Variants in CCSER1 observed in about 807,000 individuals in gnomAD.
The protein encoded by CCSER1 is coiled-coil serine rich protein 1, also known as serine-rich coiled-coil domain-containing protein 1.
Under a neutral mutation model 82.0 loss-of-function variants are expected in CCSER1, and 41 were observed. The ratio of observed to expected loss-of-function variants is 0.50; its 90% CI spans 0.39 to 0.65. The LOEUF (loss-of-function observed/expected upper bound fraction) is 0.65. CCSER1 is among the 30% of genes least tolerant of loss of function. The pLI, the probability that CCSER1 is intolerant of heterozygous loss-of-function variation, is 0.00. For missense variants in CCSER1, 1,119 were observed against 1,064.2 expected (o/e 1.05, Z -0.72); for synonymous variants, 414 against 383.9 (o/e 1.08, Z -0.92).
At chr4:91,553,972 CTTA>C (rs1276682660) in intron 10 of CCSER1, among the ~76,000 whole-genome samples, 1 of 150,478 alleles carries the variant, frequency 6.6e-6, no homozygotes, top group Non-Finnish European at 1.5e-5. Context: ...ATGTGTATAG[CTTA>C]TTGTTTACTT....
chr4:91,042,059 C>T (rs778273427), intron 9 of CCSER1, among the ~76,000 whole-genome samples: 74 of 152,072 alleles, frequency 4.9e-4, no homozygotes, highest in Admixed American at 3.9e-4. Flanking sequence ...GATATTGTCT[C>T]GTTTTTATGG....
At chr4:90,497,190 G>C (rs550598646) in intron 5 of CCSER1, among the ~76,000 whole-genome samples, 1 of 152,002 alleles carries the variant, frequency 6.6e-6, no homozygotes, top group East Asian at 1.9e-4. Flanking sequence ...CATTTTGCAT[G>C]GTACCTTGTT....
intron 8 of CCSER1, among the ~76,000 whole-genome samples, chr4:90,910,006 C>T (rs57404289): frequency 0.016 from 2,480 of 152,100 alleles, 63 homozygotes; most frequent in African/African-American, 0.056. Context: ...TACCACAGGC[C>T]CTAACAGGAA....
chr4:91,480,381 T>C (rs1757846518), intron 10 of CCSER1, among the ~76,000 whole-genome samples: 1 of 152,214 alleles, frequency 6.6e-6, no homozygotes, highest in Non-Finnish European at 1.5e-5. Context: ...TGTTCCTATT[T>C]CTCCACATCC....
chr4:91,017,084 T>C (rs1273378705), intron 9 of CCSER1: 1 of 152,120 alleles, frequency 6.6e-6, no homozygotes, highest in Non-Finnish European at 1.5e-5. Flanking sequence ...GATAAGATAA[T>C]TGAGGGAGAG....
chr4:91,394,351 G>A (rs527306054), intron 10 of CCSER1, among the ~76,000 whole-genome samples: 14 of 152,120 alleles, frequency 9.2e-5, no homozygotes, highest in African/African-American at 1.2e-4. Flanking sequence ...ATTAGAATAA[G>A]TTCCTCAGTA....
chr4:90,172,190 G>A (rs572391742), intron 1 of CCSER1, among the ~76,000 whole-genome samples: 1 of 151,878 alleles, frequency 6.6e-6, no homozygotes, highest in Non-Finnish European at 1.5e-5. Context: ...TCCATTGTGA[G>A]TATTGTCTAT....
intron 10 of CCSER1, among the ~76,000 whole-genome samples, chr4:91,549,703 G>A: frequency 6.6e-6 from 1 of 152,108 alleles, no homozygotes; most frequent in South Asian, 2.1e-4. Flanking sequence ...CGGCCGTGCT[G>A]GTGCGCCTGT....
At chr4:90,392,198 G>A (rs1751293292) in intron 3 of CCSER1, among the ~76,000 whole-genome samples, 1 of 151,826 alleles carries the variant, frequency 6.6e-6, no homozygotes, top group Non-Finnish European at 1.5e-5. Context: ...TTCTACTTAA[G>A]TAATATATTT....
At chr4:90,915,954 CA>C (rs1727317047) in intron 8 of CCSER1, among the ~76,000 whole-genome samples, 1 of 152,120 alleles carries the variant, frequency 6.6e-6, no homozygotes, top group Non-Finnish European at 1.5e-5. Context: ...ATCCAACTTA[CA>C]AGGGGTGTGA....
chr4:91,330,340 C>T lies in CCSER1; in HGVS notation c.2217+244346C>T, dbSNP rs1044187840. 5.3e-5 allele frequency among the ~76,000 whole-genome samples: 8 copies of T among 152,268 alleles called. No individual in the cohort carries two copies. In the South Asian group the frequency reaches 1.7e-3, roughly 32 times the overall value. ...TGAAAGGAAAAAATTGAGACTAATA[C>T]TCACTTAGCTGATACTTCAAGTCAT... On this transcript the variant is annotated intron_variant, in intron 10 of 10. Transcript: ENST00000509176.
chr4:90,579,028 G>T lies in CCSER1; in HGVS notation c.1725-48997G>T, dbSNP rs1380203653. Among the ~76,000 whole-genome samples, 304 of 54,196 alleles carry T rather than the reference G, an allele frequency of 5.6e-3. 1 individual carries two copies. In the African/African-American group the frequency reaches 0.092, roughly 16 times the overall value. The allele number at this position is 54,196 out of a possible 152,430, so 35.6% of individuals were successfully genotyped here. On this transcript the variant is annotated intron_variant, in intron 5 of 10. Transcript: ENST00000509176. Reference sequence around the variant, plus strand: ...TTATGTTGTCTATTAAAAAAAGCTTGACTTTTTTTAATCAATAAAATAAAT... The same window carrying T: ...TTATGTTGTCTATTAAAAAAAGCTTTACTTTTTTTAATCAATAAAATAAAT...
chr4:90,637,086 G>GT (rs1725560729), intron 6 of CCSER1, among the ~76,000 whole-genome samples: 1 of 152,098 alleles, frequency 6.6e-6, no homozygotes, highest in Non-Finnish European at 1.5e-5. Context: ...AGTTTCTATG[G>GT]TTAGGAGTTT....
chr4:90,823,687 T>C (rs1283004105), intron 8 of CCSER1, among the ~76,000 whole-genome samples: 2 of 152,030 alleles, frequency 1.3e-5, no homozygotes, highest in African/African-American at 2.4e-5. Flanking sequence ...ACATTTTAGT[T>C]TATAATTAAA....
chr4:91,007,929 T>A (rs943655473), intron 9 of CCSER1, among the ~76,000 whole-genome samples: 1 of 152,116 alleles, frequency 6.6e-6, no homozygotes, highest in African/African-American at 2.4e-5. Flanking sequence ...TAGGTTTTGA[T>A]ATGTTGTATT....
chr4:90,622,584 C>A (rs976180173), intron 5 of CCSER1, among the ~76,000 whole-genome samples: 4 of 152,114 alleles, frequency 2.6e-5, no homozygotes, highest in Admixed American at 2.6e-4. Context: ...CATGTCACTA[C>A]AAAGGACATG....
chr4:90,753,814 C>G (rs1432316127), intron 7 of CCSER1, among the ~76,000 whole-genome samples: 1 of 152,112 alleles, frequency 6.6e-6, no homozygotes, highest in East Asian at 1.9e-4. Flanking sequence ...GCAGCTTTTC[C>G]AATCTCATCT....
chr4:91,155,284 A>G (rs1730702740), intron 10 of CCSER1, among the ~76,000 whole-genome samples: 1 of 151,886 alleles, frequency 6.6e-6, no homozygotes, highest in Non-Finnish European at 1.5e-5. Flanking sequence ...GAATGGTTTT[A>G]TAAGGGGGAG....
intron 8 of CCSER1, among the ~76,000 whole-genome samples, chr4:90,858,233 A>C (rs1764681617): frequency 6.6e-6 from 1 of 152,040 alleles, no homozygotes; most frequent in Non-Finnish European, 1.5e-5. Context: ...TGCTTCAAAT[A>C]GTAGTTATTC....
Sources: gnomAD v4.1 joint callset for allele counts (sites outside exome capture counted in the v4.1 genomes callset) on GRCh38, gnomAD v4.1.1 for gene constraint, MANE v1.5 for transcripts, NCBI Gene and HGNC (gene_info 2026-07-23, HGNC 2026-07-21) for gene names.